Variants in ST6GALNAC1 observed in about 807,000 individuals in gnomAD.
ST6GALNAC1 encodes ST6 N-acetylgalactosaminide alpha-2,6-sialyltransferase 1, also known as alpha-N-acetylgalactosaminide alpha-2,6-sialyltransferase 1.
Under a neutral mutation model 56.8 loss-of-function variants are expected in ST6GALNAC1, and 45 were observed. The observed-to-expected ratio is 0.79, with a 90% CI of 0.62 to 1.02. The LOEUF (loss-of-function observed/expected upper bound fraction) is 1.02. Among genes scored for constraint, ST6GALNAC1 ranks in the 50% least tolerant of loss-of-function variants. The pLI, the probability that ST6GALNAC1 is intolerant of heterozygous loss-of-function variation, is 0.00. For missense variants in ST6GALNAC1, 743 were observed against 754.8 expected (o/e 0.98, Z 0.18); for synonymous variants, 295 against 297.8 (o/e 0.99, Z 0.10).
chr17:76,641,687 T>C (rs1266223040), intron 1 of ST6GALNAC1: 1 of 152,236 alleles, frequency 6.6e-6, no homozygotes, highest in Non-Finnish European at 1.5e-5. Flanking sequence ...TGACATTTCA[T>C]GTAAACATAT....
downstream of ST6GALNAC1, among the ~76,000 whole-genome samples, chr17:76,624,580 G>A (rs577219641): frequency 1.3e-5 from 2 of 152,220 alleles, no homozygotes; most frequent in South Asian, 4.1e-4. Flanking sequence ...GTTGTTCCAG[G>A]CTCCAGAGTC....
chr17:76,623,121 C>T (rs2075758090), downstream of ST6GALNAC1, among the ~76,000 whole-genome samples: 1 of 152,104 alleles, frequency 6.6e-6, no homozygotes, highest in African/African-American at 2.4e-5. Context: ...AGTTACAGAC[C>T]TAGTTTGATT....
At position 76,627,404 on chromosome 17, in the gene ST6GALNAC1, T is replaced by A; in HGVS notation, c.1000+11A>T. The A allele has an allele frequency of 6.2e-7, 1 of 1,613,918 alleles. No homozygotes were observed. The highest frequency in any genetic ancestry group is 8.5e-7 in the Non-Finnish European group (1 of 1,179,942). ...TGCGCACCCACACCTTCCCCTGGGT[T>A]AAGGACTCACAGGAGTAGTTGAGCT... On this transcript the variant is annotated intron_variant, in intron 3 of 8. Coordinates refer to ENST00000156626, the MANE Select transcript of ST6GALNAC1 (RefSeq NM_018414.5). This position sits in a 1 kb window ranked among gnomAD's most constrained non-coding sequence, Gnocchi z 4.4.
chr17:76,640,922 A>G (rs538726128), intron 1 of ST6GALNAC1, among the ~76,000 whole-genome samples: 1 of 152,056 alleles, frequency 6.6e-6, no homozygotes, highest in Non-Finnish European at 1.5e-5. Flanking sequence ...AGATGTATGT[A>G]AAAAAAACCC....
chr17:76,621,428 G>A (rs1337588867), downstream of ST6GALNAC1, among the ~76,000 whole-genome samples: 3 of 151,562 alleles, frequency 2.0e-5, no homozygotes, highest in Non-Finnish European at 2.9e-5. Flanking sequence ...TAATCTGCCT[G>A]CCTTGGCCTC....
At chr17:76,621,647 T>C (rs576727485), downstream of ST6GALNAC1, among the ~76,000 whole-genome samples, 5 of 152,160 alleles carry the variant, frequency 3.3e-5, 2 homozygotes, top group African/African-American at 1.2e-4. Flanking sequence ...GGCTAATTTT[T>C]GTATTTTTAG....
In ST6GALNAC1 at chr17:76,627,101, C is replaced by T; in HGVS notation, c.1138G>A (p.Gly380Ser). Residue 380 changes from glycine (G) to serine (S), a missense_variant, in exon 4 of 9, where the codon GGC (glycine) becomes AGC (serine). Transcript: ENST00000156626. The surrounding 1 kb of genome is among the most constrained non-coding windows in gnomAD (Gnocchi z 4.4). The part of the protein sequence containing the change: ...NGGILNNSHM[G>S]QEIDSHDYVF... ...TAGTCGTGACTGTCTATCTCCTGGC[C>T]CATGTGGGAGTTGTTCAGGATGCCC... 2 of 1,575,416 alleles carry T rather than the reference C, an allele frequency of 1.3e-6. No homozygotes were observed. Among genetic ancestry groups the T allele is most frequent in the Non-Finnish European group, 1.7e-6 (2 of 1,161,188 alleles).
intron 1 of ST6GALNAC1, among the ~76,000 whole-genome samples, chr17:76,632,697 C>T (rs1467304213): frequency 6.6e-6 from 1 of 152,146 alleles, no homozygotes; most frequent in East Asian, 1.9e-4. Flanking sequence ...CAAATTGTAT[C>T]CATATGCTGA....
At chr17:76,624,678 A>T (rs1007037123), downstream of ST6GALNAC1, 1 of 152,492 alleles carries the variant, frequency 6.6e-6, no homozygotes, top group African/African-American at 2.4e-5. Flanking sequence ...TTGAAAAAGA[A>T]AGCAGGTTAA....
intron 1 of ST6GALNAC1, among the ~76,000 whole-genome samples, chr17:76,636,657 G>A (rs931209653): frequency 6.8e-6 from 1 of 147,748 alleles, no homozygotes; most frequent in African/African-American, 2.6e-5. Context: ...GGAGGTGGGG[G>A]TAGCCCCCAC....
Position 76,629,301 on chromosome 17 carries a change from G to C in ST6GALNAC1, c.542C>G (p.Ser181Ter), listed in dbSNP as rs2075858095. 1 of 1,614,146 alleles carries C rather than the reference G, an allele frequency of 6.2e-7. No homozygotes were observed. The highest frequency in any genetic ancestry group is 1.3e-5 in the African/African-American group (1 of 75,016). Residue 181 changes from serine (S) to a stop codon, truncating the protein, a stop_gained, in exon 2 of 9, where the codon TCA (serine) becomes TGA (stop). Transcript: ENST00000156626. LOFTEE classifies it high-confidence loss of function. ...TGCCGCTTTGCCCTGGTGCTTCTCT[G>C]ACACCGTCCTGGAGGCCGTCAGCTT... is the stretch of plus-strand genomic sequence containing the variant. ...TRKLTASRTV[S>*]EKHQGKAATT...
At position 76,625,145 on chromosome 17, in the gene ST6GALNAC1, T is replaced by G; in HGVS notation, c.*185A>C. The G allele has an allele frequency of 1.6e-6, 1 of 643,894 alleles. No individual in the cohort carries two copies. The highest frequency in any genetic ancestry group is 4.3e-4 in the Middle Eastern group (1 of 2,342). 39.9% of individuals were successfully genotyped at this position (643,894 alleles called of 1,614,324 possible). A position where few individuals can be genotyped will look rare whatever the true frequency, so the allele number is the denominator to read the frequency against. ...ACCTACAGCAATGTACTGAAGAACT[T>G]CAGAACCTCAATTAGCCATTTGCCA... On this transcript the variant is annotated 3_prime_UTR_variant, in exon 9 of 9. Transcript: ENST00000156626.
At chr17:76,633,527 T>A (rs1015099139) in intron 1 of ST6GALNAC1, 1 of 152,060 alleles carries the variant, frequency 6.6e-6, no homozygotes, top group Admixed American at 6.6e-5. Flanking sequence ...TAATAATAAT[T>A]AAAAATCAAT....
At chr17:76,635,569 G>C (rs879910992) in intron 1 of ST6GALNAC1, among the ~76,000 whole-genome samples, 4 of 152,162 alleles carry the variant, frequency 2.6e-5, no homozygotes, top group Admixed American at 2.6e-4. Flanking sequence ...CCTGCGAGGT[G>C]GAGGTTGCAG....
intron 1 of ST6GALNAC1, among the ~76,000 whole-genome samples, chr17:76,642,830 G>A (rs1165454982): frequency 6.6e-6 from 1 of 150,766 alleles, no homozygotes; most frequent in Non-Finnish European, 1.5e-5. Context: ...TACTCAGGAA[G>A]CTGAGGCTTG....
At chr17:76,618,780 C>A in the ST6GALNAC1 span, among the ~76,000 whole-genome samples, 38 of 137,540 alleles carry the variant, frequency 2.8e-4, no homozygotes, top group Non-Finnish European at 2.8e-4. Context: ...GACTCCATAT[C>A]AAAAAAAAAA....
Position 76,627,283 on chromosome 17 carries a change from C to T in ST6GALNAC1, c.1001-45G>A, listed in dbSNP as rs570320973. 6.4e-7 allele frequency: 1 copy of T among 1,552,402 alleles called. No individual in the cohort carries two copies. On this transcript the variant is annotated intron_variant, in intron 3 of 8. Coordinates refer to ENST00000156626, the MANE Select transcript of ST6GALNAC1 (RefSeq NM_018414.5). The surrounding 1 kb of genome is among the most constrained non-coding windows in gnomAD (Gnocchi z 4.4). ...GCTCCATTCAGAGCCCTGGGAGGGA[C>T]AGGAGTCCGACCCATCATTCCTCCC...
chr17:76,621,947 T>TC (rs948638931), downstream of ST6GALNAC1, among the ~76,000 whole-genome samples: 27 of 150,372 alleles, frequency 1.8e-4, no homozygotes, highest in East Asian at 5.8e-4. Flanking sequence ...TCTTTTCTTT[T>TC]TTTTTTTTTT....
At position 76,627,198 on chromosome 17, in the gene ST6GALNAC1, C is replaced by T; in HGVS notation, c.1041G>A (p.Gln347=). The T allele has an allele frequency of 6.3e-7, 1 of 1,594,232 alleles. No individual in the cohort carries two copies. Among genetic ancestry groups the T allele is most frequent in the Middle Eastern group, 1.7e-4 (1 of 5,938 alleles). The change falls in exon 4 of 9, where the codon CAG becomes CAA. Residue 347 remains glutamine, a synonymous_variant. Transcript: ENST00000156626. The surrounding 1 kb of genome is among the most constrained non-coding windows in gnomAD (Gnocchi z 4.4). ...KVVTRFPPVP[Q]QQLLLASLPA... ...GGAGGCTGGCCAGGAGCAGCTGCTG[C>T]TGGGGCACTGGAGGGAAGCGTGTCA...
Sources: allele counts gnomAD v4.1 joint callset (sites outside exome capture counted in the v4.1 genomes callset), GRCh38; gene constraint gnomAD v4.1.1; non-coding constraint Gnocchi (gnomAD v3.1); transcripts MANE v1.5; gene names NCBI Gene and HGNC (gene_info 2026-07-23, HGNC 2026-07-21).